VOPP1: variants seen among roughly 807,000 people sequenced by gnomAD.
VOPP1 encodes WW domain binding protein VOPP1.
Under a neutral mutation model 23.5 loss-of-function variants are expected in VOPP1, and 8 were observed. That is an observed-to-expected ratio of 0.34 (90% CI 0.20 to 0.61). The LOEUF (loss-of-function observed/expected upper bound fraction) is 0.61. VOPP1 is among the 20% of genes least tolerant of loss of function. The pLI is 0.78. For missense variants in VOPP1, 174 were observed against 238.1 expected (o/e 0.73, Z 1.77); for synonymous variants, 83 against 97.3 (o/e 0.85, Z 0.86).
intron 4 of VOPP1, among the ~76,000 whole-genome samples, chr7:55,450,773 G>A (rs112078259): frequency 0.012 from 1,793 of 152,334 alleles, 13 homozygotes; most frequent in Admixed American, 0.021. Context: ...GATTGTCATT[G>A]GTAAGGGCTG....
At chr7:55,468,879 C>A (rs1416070700), downstream of VOPP1, among the ~76,000 whole-genome samples, 1 of 152,060 alleles carries the variant, frequency 6.6e-6, no homozygotes, top group Non-Finnish European at 1.5e-5. Flanking sequence ...TGCTTAGGAT[C>A]AATGAAAAGG....
chr7:55,517,177 G>A (rs1426602280), intron 2 of VOPP1, among the ~76,000 whole-genome samples: 2 of 151,204 alleles, frequency 1.3e-5, no homozygotes, highest in Non-Finnish European at 2.9e-5. Flanking sequence ...TCGAACTCCT[G>A]AGCTCAGGAG....
intron 3 of VOPP1, chr7:55,493,129 C>T (rs1302485901): frequency 6.6e-6 from 1 of 152,238 alleles, no homozygotes; most frequent in Admixed American, 6.5e-5. Context: ...ACTATCACTT[C>T]ATCAGCATTC....
Position 55,572,433 on chromosome 7 carries a change from C to T in VOPP1, c.-109G>A, listed in dbSNP as rs1798400507. 15 of 802,274 alleles carry T rather than the reference C, an allele frequency of 1.9e-5. No homozygotes were observed. Among genetic ancestry groups the T allele is most frequent in the Non-Finnish European group, 2.3e-5 (15 of 641,156 alleles). 49.7% of individuals were successfully genotyped at this position (802,274 alleles called of 1,614,324 possible). Reference sequence around the variant, plus strand: ...CAGACTGCAGCCGGGAGCCGTCCCGCCGACCGCTGGGGGGCCCGGCTGGGA... The same window carrying T: ...CAGACTGCAGCCGGGAGCCGTCCCGTCGACCGCTGGGGGGCCCGGCTGGGA... On this transcript the variant is annotated 5_prime_UTR_variant, in exon 1 of 5. Coordinates refer to ENST00000285279, the MANE Select transcript of VOPP1 (RefSeq NM_030796.5).
chr7:55,525,838 A>AG (rs760584586), intron 1 of VOPP1, among the ~76,000 whole-genome samples: 1 of 145,874 alleles, frequency 6.9e-6, no homozygotes, highest in Non-Finnish European at 1.5e-5. Flanking sequence ...ATGGAAACTA[A>AG]GGGGGAAAAA....
downstream of VOPP1, among the ~76,000 whole-genome samples, chr7:55,470,274 G>C (rs781725910): frequency 2.0e-5 from 3 of 152,150 alleles, no homozygotes; most frequent in Non-Finnish European, 4.4e-5. Context: ...CCCTTCAGCA[G>C]CATCTGTGAG....
At chr7:55,473,190 C>T in intron 4 of VOPP1, 145 bp from the exon 5 acceptor site, 2 of 1,306,448 alleles carry the variant, frequency 1.5e-6, no homozygotes, top group Non-Finnish European at 2.0e-6. Flanking sequence ...GGTGAGGGGG[C>T]ACCTGGGCTG....
chr7:55,542,745 G>A (rs1356377443), intron 1 of VOPP1, among the ~76,000 whole-genome samples: 4 of 151,280 alleles, frequency 2.6e-5, no homozygotes, highest in Admixed American at 2.0e-4. Flanking sequence ...AACCGAGATC[G>A]TGCCATTGTA....
chr7:55,444,719 T>TTC (rs1202903363), intron 4 of VOPP1, among the ~76,000 whole-genome samples: 1 of 151,612 alleles, frequency 6.6e-6, no homozygotes, highest in Non-Finnish European at 1.5e-5. Flanking sequence ...GAAACTCTTT[T>TTC]TTTTTTTTTA....
chr7:55,443,371 G>A (rs551398095), intron 4 of VOPP1, among the ~76,000 whole-genome samples: 22 of 151,580 alleles, frequency 1.5e-4, no homozygotes, highest in Admixed American at 1.3e-3. Flanking sequence ...TGGCTAACAC[G>A]GTGAAACCCC....
chr7:55,572,210 C>A (rs920112523), intron 1 of VOPP1, 61 bp downstream of exon 1: 3 of 1,428,968 alleles, frequency 2.1e-6, no homozygotes, highest in East Asian at 2.8e-5. Flanking sequence ...GAACTGCGCG[C>A]CCCCAGCCGC....
chr7:55,567,406 T>G (rs1481700333), intron 1 of VOPP1, among the ~76,000 whole-genome samples: 1 of 152,116 alleles, frequency 6.6e-6, no homozygotes, highest in Non-Finnish European at 1.5e-5. Context: ...AATAGGGTGG[T>G]CAAGACAGAC....
chr7:55,497,507 C>G, intron 3 of VOPP1, 106 bp downstream of exon 3: 1 of 1,069,274 alleles, frequency 9.4e-7, no homozygotes, highest in South Asian at 1.4e-5. Flanking sequence ...GTCCTTGAGG[C>G]CACCACCCAA....
rs547552318 is a variant in VOPP1 at position 55,540,061 on chromosome 7, G to A, written c.55-18931C>T. 2.2e-3 allele frequency among the ~76,000 whole-genome samples: 337 copies of A among 151,920 alleles called. 1 individual carries two copies. The highest frequency in any genetic ancestry group is 3.9e-3 in the Non-Finnish European group (267 of 68,004). On this transcript the variant is annotated intron_variant, in intron 1 of 4. Transcript: ENST00000285279. Reference sequence around the variant, plus strand: ...CGGAAATGATGGTATAAATGTTGGCGAACTTCCCTGGCTAGGTAACACATG... The same window carrying A: ...CGGAAATGATGGTATAAATGTTGGCAAACTTCCCTGGCTAGGTAACACATG...
At chr7:55,503,184 C>T (rs570440953) in intron 2 of VOPP1, among the ~76,000 whole-genome samples, 1 of 152,296 alleles carries the variant, frequency 6.6e-6, no homozygotes, top group South Asian at 2.1e-4. Context: ...TAAAAGGGTG[C>T]CTGCCTTTTA....
intron 4 of VOPP1, among the ~76,000 whole-genome samples, chr7:55,479,166 T>C (rs894149112): frequency 4.1e-5 from 6 of 147,422 alleles, no homozygotes; most frequent in African/African-American, 7.4e-5. Flanking sequence ...TTTTTTTTTA[T>C]TATTATACTT....
chr7:55,439,427 A>T (rs567196480), intron 4 of VOPP1, among the ~76,000 whole-genome samples: 1 of 152,332 alleles, frequency 6.6e-6, no homozygotes, highest in South Asian at 2.1e-4. Flanking sequence ...AGCACTTGAC[A>T]GGAGTTTCAT....
chr7:55,496,727 C>T (rs1793980529), intron 3 of VOPP1, among the ~76,000 whole-genome samples: 1 of 152,218 alleles, frequency 6.6e-6, no homozygotes. Context: ...AAAGATAAAA[C>T]CGCATAAAAA....
intron 4 of VOPP1, among the ~76,000 whole-genome samples, chr7:55,448,933 A>T (rs1406599373): frequency 1.3e-5 from 2 of 152,232 alleles, no homozygotes; most frequent in Non-Finnish European, 2.9e-5. Context: ...GAACAGTTTA[A>T]TCGCACTGAG....
Sources: allele counts gnomAD v4.1 joint callset (sites outside exome capture counted in the v4.1 genomes callset), GRCh38; gene constraint gnomAD v4.1.1; transcripts MANE v1.5; gene names NCBI Gene and HGNC (gene_info 2026-07-23, HGNC 2026-07-21).